ZNF516: variants seen among roughly 807,000 people sequenced by gnomAD.
ZNF516 encodes the protein zinc finger protein 516.
In ZNF516, 19 loss-of-function variants were observed where a neutral mutation model predicts 79.7. That is an observed-to-expected ratio of 0.24 (90% CI 0.17 to 0.35). The LOEUF is 0.35. ZNF516 is among the 10% of genes least tolerant of loss of function. The pLI is 1.00. For missense variants in ZNF516, 1,678 were observed against 1,679.5 expected (o/e 1.00, Z 0.02); for synonymous variants, 877 against 739.5 (o/e 1.19, Z -3.02).
intron 3 of ZNF516, chr18:76,389,186 T>A (rs2075033979): frequency 1.3e-5 from 2 of 151,692 alleles, no homozygotes; most frequent in African/African-American, 4.9e-5. Context: ...CTGAGAATCA[T>A]CTGTCAAGGT....
intron 2 of ZNF516, among the ~76,000 whole-genome samples, chr18:76,450,693 G>A (rs17270282): frequency 1.3e-5 from 2 of 152,086 alleles, no homozygotes; most frequent in African/African-American, 4.8e-5. Flanking sequence ...ACTTGACGAA[G>A]TAAAAAATCA....
chr18:76,464,549 T>C (rs895059375), intron 1 of ZNF516, among the ~76,000 whole-genome samples: 1 of 152,156 alleles, frequency 6.6e-6, no homozygotes, highest in African/African-American at 2.4e-5. Flanking sequence ...TAGGGGACAG[T>C]GGCTCCTGGA....
rs183548275 is a variant in ZNF516, at chr18:76,475,053, C to T, written c.-271-11912G>A. ...ATCTTTCACACATTTTAAGAAACAA[C>T]TCATATATAGGCTACCTGAATGTTT... is the stretch of plus-strand genomic sequence containing the variant. On this transcript the variant is annotated intron_variant, in intron 1 of 6. Transcript: ENST00000443185. 7.2e-5 allele frequency among the ~76,000 whole-genome samples: 11 copies of T among 152,280 alleles called. No individual in the cohort carries two copies. The East Asian group carries it at 1.7e-3, about 24-fold the overall frequency.
chr18:76,405,307 C>A (rs1374840919), intron 3 of ZNF516, among the ~76,000 whole-genome samples: 1 of 152,254 alleles, frequency 6.6e-6, no homozygotes, highest in African/African-American at 2.4e-5. Context: ...TAGCTCACTG[C>A]GGGTGTCCTC....
At chr18:76,432,656 C>G (rs1303842331) in intron 3 of ZNF516, among the ~76,000 whole-genome samples, 1 of 152,270 alleles carries the variant, frequency 6.6e-6, no homozygotes, top group Non-Finnish European at 1.5e-5. Flanking sequence ...GATCTTCCCA[C>G]ATCCTCTGGC....
chr18:76,383,816 A>G (rs2074934149), intron 3 of ZNF516, among the ~76,000 whole-genome samples: 1 of 152,254 alleles, frequency 6.6e-6, no homozygotes, highest in Non-Finnish European at 1.5e-5. Flanking sequence ...CATCATCAGT[A>G]AGCCACAGAA....
chr18:76,485,658 C>T (rs1275199284), intron 1 of ZNF516, among the ~76,000 whole-genome samples: 1 of 152,038 alleles, frequency 6.6e-6, no homozygotes, highest in Non-Finnish European at 1.5e-5. Context: ...CTGTGGGGTT[C>T]CATACTAATA....
intron 1 of ZNF516, among the ~76,000 whole-genome samples, chr18:76,480,774 G>A (rs1599156675): frequency 1.3e-5 from 2 of 152,142 alleles, no homozygotes; most frequent in Middle Eastern, 3.4e-3. Flanking sequence ...CGCCCACCTC[G>A]GCCTCCCAAA....
chr18:76,363,322 T>C (rs1389447382), intron 6 of ZNF516, among the ~76,000 whole-genome samples: 6 of 152,228 alleles, frequency 3.9e-5, no homozygotes, highest in Non-Finnish European at 7.3e-5. Flanking sequence ...TTAACATGCA[T>C]ACATAAACTA....
At chr18:76,363,939 T>C (rs1196545095) in intron 6 of ZNF516, among the ~76,000 whole-genome samples, 3 of 152,336 alleles carry the variant, frequency 2.0e-5, no homozygotes, top group East Asian at 1.9e-4. Context: ...GTGCTGTGTG[T>C]GCCTAGATTG....
chr18:76,452,158 C>T (rs1440382957), intron 2 of ZNF516, among the ~76,000 whole-genome samples: 1 of 152,208 alleles, frequency 6.6e-6, no homozygotes, highest in Non-Finnish European at 1.5e-5. Context: ...CGCCACTATC[C>T]CAGGGAGCAG....
intron 3 of ZNF516, among the ~76,000 whole-genome samples, chr18:76,422,286 G>C (rs1368504090): frequency 2.0e-5 from 3 of 152,200 alleles, no homozygotes; most frequent in African/African-American, 7.2e-5. Flanking sequence ...TGCGGAGAGC[G>C]GGCCGGTCCC....
chr18:76,494,864 C>A (rs1469348225), intron 1 of ZNF516, among the ~76,000 whole-genome samples: 4 of 150,248 alleles, frequency 2.7e-5, no homozygotes, highest in African/African-American at 7.3e-5. Context: ...CGCCCCTCCA[C>A]TGCGGTAAAA....
rs749858305 is a variant in ZNF516, at chr18:76,441,857, C to T, written c.1198G>A (p.Gly400Ser). ...GCCACCCGCCGTCCGGCCTGCGTGC[C>T]AGGGCACGAGTCGCCGGCCGCCGAC... ...RPSAAGDSCP[G>S]TQAGRRVAEL... The change falls in exon 3 of 7, where the codon GGC becomes AGC. Residue 400 changes from glycine to serine, a missense_variant. Physicochemically the swap from Gly to Ser is moderately conservative, Grantham distance 56. Transcript: ENST00000443185. 1.9e-6 allele frequency: 3 copies of T among 1,580,106 alleles called. No individual in the cohort carries two copies. Among genetic ancestry groups the T allele is most frequent in the South Asian group, 2.3e-5 (2 of 88,470 alleles).
intron 1 of ZNF516, among the ~76,000 whole-genome samples, chr18:76,494,896 C>T (rs1915418195): frequency 6.6e-6 from 1 of 150,908 alleles, no homozygotes; most frequent in Non-Finnish European, 1.5e-5. Flanking sequence ...GGCGCTCGCC[C>T]CGCCGCCCGA....
chr18:76,397,602 G>A (rs991515446), intron 3 of ZNF516, among the ~76,000 whole-genome samples: 4 of 152,248 alleles, frequency 2.6e-5, no homozygotes, highest in Admixed American at 2.0e-4. Flanking sequence ...CTCTGGACAC[G>A]ATATTTTATT....
chr18:76,475,331 A>G (rs1914113061), intron 1 of ZNF516, among the ~76,000 whole-genome samples: 1 of 152,166 alleles, frequency 6.6e-6, no homozygotes, highest in Non-Finnish European at 1.5e-5. Flanking sequence ...TCCTCTATTA[A>G]GTTGGCCAAG....
At chr18:76,368,423 G>T (rs970062367) in intron 6 of ZNF516, among the ~76,000 whole-genome samples, 2 of 151,758 alleles carry the variant, frequency 1.3e-5, no homozygotes, top group African/African-American at 4.8e-5. Context: ...CTCAGATATG[G>T]AATTTAACAA....
At chr18:76,494,939 G>C (rs1293389610) in intron 1 of ZNF516, among the ~76,000 whole-genome samples, 5 of 149,008 alleles carry the variant, frequency 3.4e-5, no homozygotes, top group Non-Finnish European at 5.9e-5. Context: ...GAATTGACGA[G>C]CAGAGCAACT....
Sources: allele counts gnomAD v4.1 joint callset (sites outside exome capture counted in the v4.1 genomes callset), GRCh38; gene constraint gnomAD v4.1.1; transcripts MANE v1.5; gene names NCBI Gene and HGNC (gene_info 2026-07-23, HGNC 2026-07-21).